Variants in ENOX1 observed in about 807,000 individuals in gnomAD.
ENOX1 encodes the protein ecto-NOX disulfide-thiol exchanger 1.
Under a neutral mutation model 82.5 loss-of-function variants are expected in ENOX1, and 42 were observed. That is an observed-to-expected ratio of 0.51 (90% CI 0.40 to 0.66). The LOEUF is 0.66. Ranked by LOEUF, ENOX1 falls within the 30% of genes least tolerant of loss-of-function variation. The pLI is 0.00. For missense variants in ENOX1, 608 were observed against 811.6 expected (o/e 0.75, Z 3.05); for synonymous variants, 271 against 282.2 (o/e 0.96, Z 0.40).
chr13:43,542,827 G>C (rs2078801335), intron 2 of ENOX1, among the ~76,000 whole-genome samples: 1 of 152,208 alleles, frequency 6.6e-6, no homozygotes, highest in East Asian at 1.9e-4. Context: ...CAGTTCCAGA[G>C]GCTGGGAAGT....
chr13:43,695,508 C>G (rs1008300733), intron 1 of ENOX1, among the ~76,000 whole-genome samples: 1 of 142,114 alleles, frequency 7.0e-6, no homozygotes, highest in Non-Finnish European at 1.5e-5. Context: ...AGTGCAGTGG[C>G]GTGATCTCAG....
At chr13:43,705,960 A>C (rs76633821) in intron 1 of ENOX1, among the ~76,000 whole-genome samples, 1 of 152,046 alleles carries the variant, frequency 6.6e-6, no homozygotes, top group African/African-American at 2.4e-5. Flanking sequence ...ATCAGATAGA[A>C]TATGTTTCCT....
intron 1 of ENOX1, among the ~76,000 whole-genome samples, chr13:43,704,095 T>A (rs566406778): frequency 6.6e-6 from 1 of 152,096 alleles, no homozygotes; most frequent in East Asian, 1.9e-4. Context: ...AAGAGTGCAC[T>A]TTAATAAGTT....
At chr13:43,745,688 C>A (rs1320063699) in intron 1 of ENOX1, among the ~76,000 whole-genome samples, 1 of 152,094 alleles carries the variant, frequency 6.6e-6, no homozygotes, top group African/African-American at 2.4e-5. Flanking sequence ...GTGTCCCTAC[C>A]CCAATCTTAT....
intron 2 of ENOX1, among the ~76,000 whole-genome samples, chr13:43,525,835 TTTG>T (rs1180535946): frequency 2.0e-5 from 3 of 152,164 alleles, no homozygotes; most frequent in Admixed American, 2.0e-4. Flanking sequence ...TGCTTGGGTT[TTTG>T]TTGTTGTTGG....
chr13:43,622,186 C>A (rs553075483), intron 2 of ENOX1, among the ~76,000 whole-genome samples: 2 of 152,316 alleles, frequency 1.3e-5, no homozygotes, highest in South Asian at 4.1e-4. Context: ...TGGGCTTCAC[C>A]TTTCTCTGGT....
At chr13:43,585,995 T>C (rs192910018) in intron 2 of ENOX1, among the ~76,000 whole-genome samples, 3 of 152,360 alleles carry the variant, frequency 2.0e-5, no homozygotes, top group African/African-American at 7.2e-5. Context: ...AATTAGAATA[T>C]GTATCATCTG....
intron 5 of ENOX1, among the ~76,000 whole-genome samples, chr13:43,375,551 C>T (rs754188491): frequency 4.6e-5 from 7 of 152,154 alleles, no homozygotes; most frequent in Admixed American, 6.5e-5. Context: ...GATGCAGATA[C>T]CTGGGCACAT....
chr13:43,347,806 G>T (rs567029836), intron 8 of ENOX1, among the ~76,000 whole-genome samples: 1 of 152,288 alleles, frequency 6.6e-6, no homozygotes, highest in African/African-American at 2.4e-5. Context: ...ACATGCTCAG[G>T]CATAACTCTG....
intron 2 of ENOX1, among the ~76,000 whole-genome samples, chr13:43,569,772 C>G (rs373170697): frequency 2.0e-5 from 3 of 152,162 alleles, no homozygotes; most frequent in African/African-American, 7.2e-5. Context: ...CTTAACTACA[C>G]CACGATGTTT....
At chr13:43,305,379 C>T (rs1384408215) in intron 11 of ENOX1, among the ~76,000 whole-genome samples, 1 of 152,088 alleles carries the variant, frequency 6.6e-6, no homozygotes, top group African/African-American at 2.4e-5. Flanking sequence ...AGTGTGTATT[C>T]GAATCTGCAC....
At chr13:43,265,488 A>T in intron 13 of ENOX1, 34 bp from the exon 14 acceptor site, 3 of 1,571,760 alleles carry the variant, frequency 1.9e-6, no homozygotes, top group Non-Finnish European at 2.6e-6. Flanking sequence ...CACAAAACAA[A>T]AAAATGAATA....
At chr13:43,441,266 T>A (rs1033947254) in intron 3 of ENOX1, among the ~76,000 whole-genome samples, 4 of 152,230 alleles carry the variant, frequency 2.6e-5, no homozygotes, top group Admixed American at 1.3e-4. Flanking sequence ...ATTTCCCCCA[T>A]GACTTATAAG....
At chr13:43,316,126 G>A (rs969562829) in intron 11 of ENOX1, among the ~76,000 whole-genome samples, 1 of 152,114 alleles carries the variant, frequency 6.6e-6, no homozygotes, top group African/African-American at 2.4e-5. Flanking sequence ...CAGGCTCAAG[G>A]GACTCATAGC....
intron 1 of ENOX1, among the ~76,000 whole-genome samples, chr13:43,699,980 A>G (rs184443304): frequency 6.6e-6 from 1 of 152,274 alleles, no homozygotes; most frequent in African/African-American, 2.4e-5. Context: ...TCTATTTTGA[A>G]CTATATATTA....
At chr13:43,438,950 A>C (rs2056195872) in intron 3 of ENOX1, among the ~76,000 whole-genome samples, 1 of 152,036 alleles carries the variant, frequency 6.6e-6, no homozygotes, top group African/African-American at 2.4e-5. Context: ...GGCTTCTTGA[A>C]ATTTTTGAAG....
chr13:43,334,236 T>C (rs537584216), intron 9 of ENOX1, among the ~76,000 whole-genome samples: 2 of 152,348 alleles, frequency 1.3e-5, no homozygotes, highest in South Asian at 2.1e-4. Context: ...GCCCATTTCA[T>C]TGATGAAGAA....
At chr13:43,294,699 C>T (rs942323066) in intron 12 of ENOX1, among the ~76,000 whole-genome samples, 1 of 152,170 alleles carries the variant, frequency 6.6e-6, no homozygotes, top group Non-Finnish European at 1.5e-5. Context: ...CAGATTTATT[C>T]CCATTTGTCC....
At chr13:43,399,074 A>AC (rs1214401699) in intron 5 of ENOX1, among the ~76,000 whole-genome samples, 3 of 151,582 alleles carry the variant, frequency 2.0e-5, no homozygotes, top group Non-Finnish European at 4.4e-5. Context: ...GATTGTAGGC[A>AC]CTGGGCCCAG....
Sources: gnomAD v4.1 joint callset for allele counts (sites outside exome capture counted in the v4.1 genomes callset) on GRCh38, gnomAD v4.1.1 for gene constraint, MANE v1.5 for transcripts, NCBI Gene and HGNC (gene_info 2026-07-23, HGNC 2026-07-21) for gene names.